CHD9: variants seen among roughly 807,000 people sequenced by gnomAD.
CHD9 encodes chromodomain helicase DNA binding protein 9.
A neutral mutation model predicts 316.1 loss-of-function variants in CHD9; 77 were observed. The ratio of observed to expected loss-of-function variants is 0.24; its 90% CI spans 0.20 to 0.29. The LOEUF is 0.29. Ranked by LOEUF, CHD9 falls within the 10% of genes least tolerant of loss-of-function variation. The pLI, the probability that CHD9 is intolerant of heterozygous loss-of-function variation, is 1.00. For synonymous variants in CHD9, 1,129 were observed against 1,158.3 expected, an observed-to-expected ratio of 0.97 and a Z score of 0.51; for missense variants, 2,763 against 3,438.1, an observed-to-expected ratio of 0.80 and a Z score of 4.91.
intron 22 of CHD9, among the ~76,000 whole-genome samples, chr16:53,268,580 A>G (rs1453410974): frequency 1.3e-5 from 2 of 152,148 alleles, no homozygotes; most frequent in Admixed American, 1.3e-4. Flanking sequence ...GATATCAAGA[A>G]TGGAATTATT....
intron 1 of CHD9, among the ~76,000 whole-genome samples, chr16:53,067,960 G>A (rs147119323): frequency 3.9e-5 from 6 of 152,292 alleles, no homozygotes; most frequent in East Asian, 3.9e-4. Flanking sequence ...TTGGGGTGCT[G>A]AGGCAGGAGA....
At chr16:53,199,781 A>G (rs2045276281) in intron 2 of CHD9, among the ~76,000 whole-genome samples, 1 of 152,182 alleles carries the variant, frequency 6.6e-6, no homozygotes, top group Admixed American at 6.5e-5. Context: ...AACTATTCTT[A>G]CCATAAAACT....
At chr16:53,224,444 A>G (rs889208687) in intron 4 of CHD9, among the ~76,000 whole-genome samples, 2 of 152,178 alleles carry the variant, frequency 1.3e-5, no homozygotes, top group African/African-American at 4.8e-5. Flanking sequence ...TAATTCATAG[A>G]CTTTTAAATT....
chr16:53,261,340 T>C (rs2051085904), intron 19 of CHD9, among the ~76,000 whole-genome samples: 2 of 150,920 alleles, frequency 1.3e-5, no homozygotes, highest in South Asian at 2.1e-4. Flanking sequence ...TTTAGCCTTT[T>C]AATTTTTGGT....
intron 1 of CHD9, among the ~76,000 whole-genome samples, chr16:53,103,392 A>T (rs2037062577): frequency 6.6e-6 from 1 of 152,104 alleles, no homozygotes; most frequent in Non-Finnish European, 1.5e-5. Context: ...TAGCACAGAG[A>T]GTTTGATGAA....
chr16:53,205,425 A>C (rs1003094489), intron 2 of CHD9, among the ~76,000 whole-genome samples: 1 of 152,180 alleles, frequency 6.6e-6, no homozygotes, highest in East Asian at 1.9e-4. Flanking sequence ...GAGGAAAAAA[A>C]CCAAAAATAC....
chr16:53,320,002 A>G, intron 37 of CHD9: 1 of 322,836 alleles, frequency 3.1e-6, no homozygotes, highest in Non-Finnish European at 4.5e-6. Context: ...ACTTCTTTAA[A>G]TATATTATAT....
intron 3 of CHD9, among the ~76,000 whole-genome samples, chr16:53,217,024 C>G (rs1395049531): frequency 6.6e-6 from 1 of 152,154 alleles, no homozygotes; most frequent in Non-Finnish European, 1.5e-5. Context: ...GTTAACCAAT[C>G]TGCAGACCTC....
chr16:53,104,946 G>T (rs2152574142), intron 1 of CHD9, among the ~76,000 whole-genome samples: 1 of 151,750 alleles, frequency 6.6e-6, no homozygotes, highest in Non-Finnish European at 1.5e-5. Flanking sequence ...CTGTCTTGCT[G>T]CCTCAGCCTC....
At chr16:53,183,491 G>A (rs1315353372) in intron 2 of CHD9, among the ~76,000 whole-genome samples, 1 of 152,060 alleles carries the variant, frequency 6.6e-6, no homozygotes, top group Non-Finnish European at 1.5e-5. Context: ...GCAAAAGAAG[G>A]TAAATATTAA....
chr16:53,223,655 A>G (rs1181793578), intron 4 of CHD9: 1 of 152,226 alleles, frequency 6.6e-6, no homozygotes, highest in Non-Finnish European at 1.5e-5. Context: ...CCATTTTTCC[A>G]TTATGTAATT....
intron 24 of CHD9, among the ~76,000 whole-genome samples, chr16:53,284,803 C>T (rs557642326): frequency 2.0e-5 from 3 of 152,282 alleles, no homozygotes; most frequent in African/African-American, 7.2e-5. Context: ...CTCATTCCCG[C>T]GGCCTGGGTT....
intron 1 of CHD9, among the ~76,000 whole-genome samples, chr16:53,101,894 C>G (rs1040279233): frequency 1.3e-5 from 2 of 152,110 alleles, no homozygotes; most frequent in African/African-American, 2.4e-5. Context: ...CATGTCGTCT[C>G]CATCATGAAC....
intron 19 of CHD9, among the ~76,000 whole-genome samples, chr16:53,259,011 A>G (rs914004547): frequency 6.6e-6 from 1 of 152,180 alleles, no homozygotes; most frequent in African/African-American, 2.4e-5. Context: ...TGGATTTCGC[A>G]ATTTAAAATC....
chr16:53,138,094 G>A (rs2039852576), intron 1 of CHD9, among the ~76,000 whole-genome samples: 1 of 152,062 alleles, frequency 6.6e-6, no homozygotes, highest in Admixed American at 6.5e-5. Flanking sequence ...TGTTAGTAAT[G>A]ACCAAAGTTC....
chr16:53,074,094 A>C (rs2034320328), intron 1 of CHD9, among the ~76,000 whole-genome samples: 1 of 152,230 alleles, frequency 6.6e-6, no homozygotes, highest in African/African-American at 2.4e-5. Context: ...GGTCTCAGAT[A>C]GAGTTAAGGA....
intron 1 of CHD9, among the ~76,000 whole-genome samples, chr16:53,097,618 G>A (rs1276911337): frequency 4.6e-5 from 7 of 152,120 alleles, no homozygotes; most frequent in African/African-American, 1.4e-4. Context: ...GCTTAGTTTT[G>A]TCTGTATCTT....
In CHD9 at chr16:53,286,352, G is replaced by A. The variant is rs754323577; in HGVS notation, c.5189+9G>A. ...AATGATTATATGGATGGGTATGTGT[G>A]TTTCAGAGTCATGAATTTTCTATAT... On this transcript the variant is annotated intron_variant, in intron 26 of 38. Coordinates refer to ENST00000447540, the MANE Select transcript of CHD9 (RefSeq NM_001308319.2). 1.0e-5 allele frequency: 15 copies of A among 1,439,622 alleles called. No individual in the cohort carries two copies. In the East Asian group the frequency reaches 2.3e-4, roughly 22 times the overall value. 89.2% of individuals were successfully genotyped at this position (1,439,622 alleles called of 1,614,324 possible).
chr16:53,139,959 TGTG>T (rs1284955351), intron 1 of CHD9, among the ~76,000 whole-genome samples: 1 of 150,556 alleles, frequency 6.6e-6, no homozygotes, highest in Non-Finnish European at 1.5e-5. Context: ...ATTAGCCAAG[TGTG>T]GTGGTGCATA....
Sources: gnomAD v4.1 joint callset for allele counts (sites outside exome capture counted in the v4.1 genomes callset) on GRCh38, gnomAD v4.1.1 for gene constraint, MANE v1.5 for transcripts, NCBI Gene and HGNC (gene_info 2026-07-23, HGNC 2026-07-21) for gene names.